LRRIQ1: variants seen among roughly 807,000 people sequenced by gnomAD.
LRRIQ1 encodes the protein leucine rich repeats and IQ motif containing 1.
A neutral mutation model predicts 211.9 loss-of-function variants in LRRIQ1; 210 were observed. The ratio of observed to expected loss-of-function variants is 0.99; its 90% confidence interval spans 0.89 to 1.11. The LOEUF is 1.11. LRRIQ1 is among the 50% of genes most tolerant of loss of function. The probability of loss-of-function intolerance (pLI) is 0.00; values close to 1 mark genes in which losing one functional copy is unlikely to be tolerated. For missense variants in LRRIQ1, 2,136 were observed against 1,939.5 expected, an observed-to-expected ratio of 1.10 and a Z score of -1.90; for synonymous variants, 699 against 650.1, an observed-to-expected ratio of 1.08 and a Z score of -1.14.
At position 85,055,997 on chromosome 12, in the gene LRRIQ1, A is replaced by C; in HGVS notation, c.1204A>C (p.Lys402Gln). 6.2e-7 allele frequency: 1 copy of C among 1,608,936 alleles called. No homozygotes were observed. The highest frequency in any genetic ancestry group is 8.5e-7 in the Non-Finnish European group (1 of 1,178,252). ...QQLIISSALK[K>Q]SGYNNKHLSL... ...GCTAATAATAAGTAGTGCATTAAAG[A>C]AGAGCGGATATAATAACAAACATTT... The change falls in exon 8 of 27, where the codon AAG becomes CAG. Residue 402 changes from lysine to glutamine, a missense_variant. Transcript: ENST00000393217.
chr12:85,266,832 T>C (rs769239800), downstream of LRRIQ1, among the ~76,000 whole-genome samples: 5 of 152,160 alleles, frequency 3.3e-5, no homozygotes, highest in African/African-American at 4.8e-5. Context: ...AGGAAGATTC[T>C]TTGAAGCTTT....
intron 24 of LRRIQ1, among the ~76,000 whole-genome samples, chr12:85,182,548 G>A (rs1892031946): frequency 6.6e-6 from 1 of 152,068 alleles, no homozygotes; most frequent in Non-Finnish European, 1.5e-5. Flanking sequence ...ATCTTGAGAT[G>A]TGATGAAATG....
chr12:85,121,738 A>G lies in LRRIQ1; in HGVS notation c.3419A>G (p.Asn1140Ser), dbSNP rs1279171021. 7.5e-6 allele frequency: 12 copies of G among 1,600,720 alleles called. No individual in the cohort carries two copies. Among genetic ancestry groups the G allele is most frequent in the Admixed American group, 3.5e-5 (2 of 57,590 alleles). Residue 1140 changes from asparagine (N) to serine (S), a missense_variant, in exon 16 of 27, where the codon AAT (asparagine) becomes AGT (serine). Coordinates refer to ENST00000393217, the MANE Select transcript of LRRIQ1 (RefSeq NM_001079910.2). ...LKVLPALRILNGNILNSNSES... is the reference protein window; with the variant it reads ...LKVLPALRILSGNILNSNSES... The stretch of plus-strand genomic sequence containing the variant: ...GTGTTGCCTGCTCTGAGAATCCTCA[A>G]TGGCAATATACTAAACTCTAATTCA...
At chr12:85,063,912 C>A (rs1882134179) in intron 8 of LRRIQ1, among the ~76,000 whole-genome samples, 2 of 151,646 alleles carry the variant, frequency 1.3e-5, no homozygotes, top group Non-Finnish European at 2.9e-5. Flanking sequence ...GTATATGTAC[C>A]ACTTTTTCTC....
chr12:85,076,085 CTCTT>C (rs144176754), intron 11 of LRRIQ1, among the ~76,000 whole-genome samples: 1 of 152,070 alleles, frequency 6.6e-6, no homozygotes, highest in African/African-American at 2.4e-5. Flanking sequence ...TACATTAAAA[CTCTT>C]TATGCTGAAC....
At position 85,047,393 on chromosome 12, in the gene LRRIQ1, CAAG is replaced by C. The variant is rs760124361; in HGVS notation, c.613_615del (p.Glu205del). The C allele has an allele frequency of 1.4e-5, 23 of 1,602,130 alleles. No homozygotes were observed. Among genetic ancestry groups the C allele is most frequent in the East Asian group, 1.4e-4 (6 of 44,174 alleles). ...GAGGGATAGAGAAGAAAAACAATTT[CAAG>C]AAGAAGAAGAAAAGCGACATTGCTG... On this transcript the variant is annotated inframe_deletion, in exon 6 of 27. Coordinates refer to ENST00000393217, the MANE Select transcript of LRRIQ1 (RefSeq NM_001079910.2).
chr12:85,053,371 T>C (rs558943215), intron 7 of LRRIQ1, among the ~76,000 whole-genome samples: 4 of 152,252 alleles, frequency 2.6e-5, no homozygotes, highest in African/African-American at 9.6e-5. Context: ...AAATGCTACC[T>C]TGGAATAAAT....
chr12:85,194,601 A>G (rs1480727204), intron 24 of LRRIQ1, among the ~76,000 whole-genome samples: 1 of 151,832 alleles, frequency 6.6e-6, no homozygotes, highest in Admixed American at 6.6e-5. Flanking sequence ...TGAAGGCAGA[A>G]ATAAAGATGT....
At chr12:85,081,723 C>CTTTTTTTTTTTTTTTTTTT (rs766961193) in intron 11 of LRRIQ1, among the ~76,000 whole-genome samples, 8 of 113,414 alleles carry the variant, frequency 7.1e-5, no homozygotes, top group African/African-American at 1.4e-4. Flanking sequence ...TCTTCTTCTT[C>CTTTTTTTTTTTTTTTTTTT]TTTTTTTTTT....
chr12:85,222,902 C>T (rs1489840917), intron 24 of LRRIQ1, among the ~76,000 whole-genome samples: 3 of 151,884 alleles, frequency 2.0e-5, no homozygotes, highest in Non-Finnish European at 4.4e-5. Flanking sequence ...CAGAATGGGG[C>T]CTGAAGTAAA....
Position 85,244,889 on chromosome 12 carries a change from G to C in LRRIQ1, c.5117G>C (p.Arg1706Thr), listed in dbSNP as rs766341199. 4 of 1,611,384 alleles carry C rather than the reference G, an allele frequency of 2.5e-6. No homozygotes were observed. Among genetic ancestry groups the C allele is most frequent in the Non-Finnish European group, 3.4e-6 (4 of 1,178,306 alleles). ...AGAGAAAAAAAAAATCAGGCACACAGACACTCAGCAGGATCTTCAAGTAAG... is the reference window on the plus strand; with the variant it reads ...AGAGAAAAAAAAAATCAGGCACACACACACTCAGCAGGATCTTCAAGTAAG... Reference protein sequence around the residue: ...VNREKKNQAHRHSAGSSSKLW... With the variant: ...VNREKKNQAHTHSAGSSSKLW... Residue 1706 changes from arginine (R) to threonine (T), a missense_variant, in exon 27 of 27, where the codon AGA becomes ACA. Transcript: ENST00000393217.
intron 24 of LRRIQ1, among the ~76,000 whole-genome samples, chr12:85,172,952 A>T (rs1046730668): frequency 3.6e-4 from 53 of 147,184 alleles, no homozygotes; most frequent in African/African-American, 1.2e-3. Context: ...ACTAAAAATT[A>T]AAAAAAAAAT....
chr12:85,096,815 A>C (rs1885918578), intron 11 of LRRIQ1, among the ~76,000 whole-genome samples: 2 of 151,772 alleles, frequency 1.3e-5, no homozygotes. Context: ...GTCTAGAAGT[A>C]CTCTTTTTAT....
intron 1 of LRRIQ1, among the ~76,000 whole-genome samples, chr12:85,259,682 G>A (rs141512625): frequency 2.6e-5 from 4 of 152,188 alleles, no homozygotes; most frequent in African/African-American, 9.6e-5. Context: ...GTTTGTTAAA[G>A]ACTCATTTTC....
intron 18 of LRRIQ1, among the ~76,000 whole-genome samples, chr12:85,130,887 A>G (rs1357662019): frequency 1.3e-5 from 2 of 151,974 alleles, no homozygotes; most frequent in East Asian, 1.9e-4. Context: ...TTTCCTTGCA[A>G]TTGAGCTCTC....
chr12:85,154,852 G>A (rs898952533), intron 23 of LRRIQ1, among the ~76,000 whole-genome samples: 11 of 151,052 alleles, frequency 7.3e-5, no homozygotes, highest in East Asian at 3.9e-4. Flanking sequence ...TTAGTAAAAA[G>A]TTTCCAAAAA....
chr12:85,179,306 G>A (rs949821412), intron 24 of LRRIQ1, among the ~76,000 whole-genome samples: 12 of 151,788 alleles, frequency 7.9e-5, no homozygotes, highest in African/African-American at 2.4e-4. Flanking sequence ...AGTGTCTCTT[G>A]CCTTGAAATA....
intron 24 of LRRIQ1, among the ~76,000 whole-genome samples, chr12:85,222,232 A>G: frequency 6.6e-6 from 1 of 152,190 alleles, no homozygotes; most frequent in Middle Eastern, 3.2e-3. Flanking sequence ...TCAGAAGGAA[A>G]TAAAGATGGC....
At chr12:85,257,835 A>T (rs772247211) in intron 1 of LRRIQ1, among the ~76,000 whole-genome samples, 7 of 151,826 alleles carry the variant, frequency 4.6e-5, no homozygotes, top group Non-Finnish European at 1.0e-4. Context: ...TTTAGTGAAG[A>T]CTTTTTTTTT....
Sources: allele counts gnomAD v4.1 joint callset (sites outside exome capture counted in the v4.1 genomes callset), GRCh38; gene constraint gnomAD v4.1.1; transcripts MANE v1.5; gene names NCBI Gene and HGNC (gene_info 2026-07-23, HGNC 2026-07-21).